DEPDC5: variants seen among roughly 807,000 people sequenced by gnomAD.
The protein encoded by DEPDC5 is GATOR1 complex protein DEPDC5.
DEPDC5 carries 73 observed loss-of-function variants against 217.3 expected under a neutral mutation model. That is an observed-to-expected ratio of 0.34 (90% CI 0.28 to 0.41). The LOEUF (loss-of-function observed/expected upper bound fraction) is 0.41, where lower values mean the gene tolerates loss of function less well. DEPDC5 is among the 10% of genes least tolerant of loss of function. The pLI, the probability that DEPDC5 is intolerant of heterozygous loss-of-function variation, is 1.00. For synonymous variants in DEPDC5, 733 were observed against 756.7 expected (o/e 0.97, Z 0.51); for missense variants, 1,675 against 2,070.1 (o/e 0.81, Z 3.70).
chr22:31,842,147 G>A (rs568876486), intron 27 of DEPDC5, among the ~76,000 whole-genome samples: 18 of 152,312 alleles, frequency 1.2e-4, no homozygotes, highest in African/African-American at 3.4e-4. Flanking sequence ...ACAGATATAC[G>A]CACAAGGAAC....
Position 31,822,746 on chromosome 22 carries a change from G to C in DEPDC5, c.2060G>C (p.Gly687Ala), listed in dbSNP as rs759324134. The C allele has an allele frequency of 8.1e-6, 13 of 1,614,092 alleles. No homozygotes were observed. The highest frequency in any genetic ancestry group is 1.0e-5 in the Non-Finnish European group (12 of 1,180,006). ...GDGMSFLNFS[G>A]TEELSVGLLS... ...GGCATGTCCTTCTTGAACTTCAGTG[G>C]AACAGAGGAGCTTTCTGTCGGCCTG... The change falls in exon 24 of 43, where the codon GGA becomes GCA. Residue 687 changes from glycine (G) to alanine (A), a missense_variant. By Grantham distance (60) the Gly-to-Ala change is moderately conservative. Coordinates refer to ENST00000651528, the MANE Select transcript of DEPDC5 (RefSeq NM_001242896.3).
intron 31 of DEPDC5, among the ~76,000 whole-genome samples, chr22:31,848,200 G>A (rs2091850845): frequency 1.3e-5 from 2 of 152,128 alleles, no homozygotes; most frequent in Non-Finnish European, 2.9e-5. Flanking sequence ...TTACGGCCTG[G>A]TGTTGAGTGT....
At chr22:31,804,075 A>C in intron 15 of DEPDC5, 87 bp from the exon 16 acceptor site, 1 of 1,282,048 alleles carries the variant, frequency 7.8e-7, no homozygotes, top group Non-Finnish European at 1.1e-6. Context: ...TTTGCCTACT[A>C]CCCATTTAAA....
chr22:31,781,371 T>C (rs1210566409), intron 8 of DEPDC5, among the ~76,000 whole-genome samples: 2 of 152,162 alleles, frequency 1.3e-5, no homozygotes, highest in African/African-American at 4.8e-5. Flanking sequence ...TCCTTTTCAG[T>C]ATCTGGGATT....
chr22:31,799,584 G>A (rs903206316), intron 14 of DEPDC5, among the ~76,000 whole-genome samples: 7 of 148,132 alleles, frequency 4.7e-5, no homozygotes, highest in African/African-American at 1.7e-4. Context: ...CCAGGTTCAA[G>A]TGATTCTCCT....
intron 22 of DEPDC5, among the ~76,000 whole-genome samples, chr22:31,819,675 G>T (rs1226017527): frequency 6.6e-6 from 1 of 151,916 alleles, no homozygotes; most frequent in Non-Finnish European, 1.5e-5. Context: ...TCACCATGTT[G>T]CCTAGGCTGG....
intron 31 of DEPDC5, among the ~76,000 whole-genome samples, chr22:31,848,113 C>T (rs2091845701): frequency 6.6e-6 from 1 of 152,246 alleles, no homozygotes. Context: ...CATGCTGATA[C>T]AAGAGGTAGG....
In DEPDC5 at chr22:31,874,366, G is replaced by A. The variant is rs2092934037; in HGVS notation, c.3657G>A (p.Glu1219=). ...TACACTGGTTGGTGAACCACGTGGA[G>A]GGGATCCAGACACAGGCGATGGCCA... ...EVVHWLVNHV[E]GIQTQAMAID... Residue 1219 remains glutamate, a synonymous_variant, in exon 36 of 43, where the codon GAG becomes GAA. Transcript: ENST00000651528. The A allele has an allele frequency of 6.2e-7, 1 of 1,612,618 alleles. No homozygotes were observed. The highest frequency in any genetic ancestry group is 2.2e-5 in the East Asian group (1 of 44,826).
At chr22:31,860,847 C>T (rs1178448474) in intron 32 of DEPDC5, among the ~76,000 whole-genome samples, 4 of 152,168 alleles carry the variant, frequency 2.6e-5, no homozygotes, top group African/African-American at 7.2e-5. Flanking sequence ...AACCTCCTGG[C>T]TCAATGTATC....
intron 13 of DEPDC5, among the ~76,000 whole-genome samples, chr22:31,798,324 C>T (rs2086486941): frequency 6.6e-6 from 1 of 152,116 alleles, no homozygotes; most frequent in Non-Finnish European, 1.5e-5. Context: ...TCAAGACCAG[C>T]CTGACCAATA....
At chr22:31,905,754 C>T (rs984675856) in intron 41 of DEPDC5, among the ~76,000 whole-genome samples, 5 of 151,868 alleles carry the variant, frequency 3.3e-5, no homozygotes, top group Non-Finnish European at 5.9e-5. Context: ...ACGGAGATGA[C>T]GGGCTGCTGG....
chr22:31,837,060 C>A lies in DEPDC5; in HGVS notation c.2259C>A (p.Leu753=). 6.2e-7 allele frequency: 1 copy of A among 1,614,164 alleles called. No homozygotes were observed. The highest frequency in any genetic ancestry group is 1.1e-5 in the South Asian group (1 of 91,084). ...DWKSLTTPAC[L]PLTTDYFPDR... is the part of the protein sequence containing the mutation. ...AGTCTCTCACTACTCCGGCGTGCCT[C>A]CCCCTTACCACCGACTACTTCCCTG... is the stretch of plus-strand genomic sequence containing the variant. The change falls in exon 26 of 43, where the codon CTC becomes CTA. Residue 753 remains leucine (L), a synonymous_variant. Transcript: ENST00000651528.
chr22:31,863,376 A>G (rs2092581133), intron 33 of DEPDC5, among the ~76,000 whole-genome samples: 1 of 152,228 alleles, frequency 6.6e-6, no homozygotes, highest in African/African-American at 2.4e-5. Flanking sequence ...CATGTTGGCC[A>G]GGCTGGTCTT....
intron 2 of DEPDC5, chr22:31,755,243 T>G (rs552259375): frequency 2.0e-6 from 1 of 488,696 alleles, no homozygotes; most frequent in East Asian, 3.5e-5. Flanking sequence ...TTACAAATCT[T>G]CCGTGTATGT....
At chr22:31,859,816 G>A (rs16989573) in intron 32 of DEPDC5, among the ~76,000 whole-genome samples, 9,817 of 152,316 alleles carry the variant, frequency 0.064, 413 homozygotes, top group South Asian at 0.18. Context: ...GACAGTCTGT[G>A]TGTAAGGAAT....
At chr22:31,777,888 C>T (rs2084037221) in intron 7 of DEPDC5, 2 of 550,538 alleles carry the variant, frequency 3.6e-6, no homozygotes, top group Non-Finnish European at 3.3e-6. Flanking sequence ...GCTGGGACTA[C>T]AGGCATGTGT....
At chr22:31,843,529 A>G in intron 28 of DEPDC5, 116 bp from the exon 29 acceptor site, 2 of 1,274,574 alleles carry the variant, frequency 1.6e-6, no homozygotes, top group Non-Finnish European at 2.2e-6. Flanking sequence ...GTTGGTTACT[A>G]CAGTTGAGGG....
intron 38 of DEPDC5, among the ~76,000 whole-genome samples, chr22:31,884,610 T>C (rs1377855643): frequency 1.3e-5 from 2 of 152,186 alleles, no homozygotes; most frequent in East Asian, 3.9e-4. Flanking sequence ...TTTAATATTA[T>C]AGCATTCGGG....
chr22:31,841,415 T>A (rs891324121), intron 27 of DEPDC5, among the ~76,000 whole-genome samples: 20 of 152,206 alleles, frequency 1.3e-4, no homozygotes, highest in African/African-American at 2.9e-4. Context: ...CTCAAAGAGT[T>A]GGACAAAATG....
Sources: allele counts gnomAD v4.1 joint callset (sites outside exome capture counted in the v4.1 genomes callset), GRCh38; gene constraint gnomAD v4.1.1; transcripts MANE v1.5; gene names NCBI Gene and HGNC (gene_info 2026-07-23, HGNC 2026-07-21).